The following LARP4 variants were observed in gnomAD, a reference collection of about 807,000 sequenced individuals.
LARP4 encodes La ribonucleoprotein 4, also known as la-related protein 4.
A neutral mutation model predicts 92.9 loss-of-function variants in LARP4; 29 were observed. That is an observed-to-expected ratio of 0.31 (90% CI 0.23 to 0.43). LARP4 has a LOEUF of 0.43. LARP4 is among the 20% of genes least tolerant of loss of function. LARP4 has a pLI of 1.00. For missense variants in LARP4, 732 were observed against 860.0 expected, an observed-to-expected ratio of 0.85 and a Z score of 1.86; for synonymous variants, 279 against 284.1, an observed-to-expected ratio of 0.98 and a Z score of 0.18.
chr12:50,438,424 G>T (rs1950740659), intron 6 of LARP4, among the ~76,000 whole-genome samples: 3 of 150,860 alleles, frequency 2.0e-5, no homozygotes, highest in South Asian at 2.1e-4. Context: ...GTGAACCTGG[G>T]AGCTTGCAGT....
intron 8 of LARP4, among the ~76,000 whole-genome samples, 165 bp downstream of exon 8, chr12:50,441,808 G>A (rs149637592): frequency 2.7e-3 from 410 of 152,314 alleles, no homozygotes; most frequent in African/African-American, 9.6e-3. Context: ...CAGCACTTTG[G>A]GAGTCCAAGG....
intron 8 of LARP4, among the ~76,000 whole-genome samples, chr12:50,452,522 C>G (rs1953401587): frequency 6.6e-6 from 1 of 152,186 alleles, no homozygotes; most frequent in Non-Finnish European, 1.5e-5. Flanking sequence ...AGTTTCCATA[C>G]TGGCTATACT....
chr12:50,440,232 T>C (rs1274255956), intron 6 of LARP4, among the ~76,000 whole-genome samples: 1 of 151,310 alleles, frequency 6.6e-6, no homozygotes, highest in Non-Finnish European at 1.5e-5. Flanking sequence ...CATCCGGGAG[T>C]TTGAGACCAG....
intron 4 of LARP4, among the ~76,000 whole-genome samples, chr12:50,431,386 A>G (rs188757621): frequency 6.6e-6 from 1 of 152,328 alleles, no homozygotes; most frequent in East Asian, 1.9e-4. Flanking sequence ...GGAATTGACA[A>G]AAAGTTATTT....
At chr12:50,438,540 C>T (rs1035969372) in intron 6 of LARP4, among the ~76,000 whole-genome samples, 5 of 150,956 alleles carry the variant, frequency 3.3e-5, no homozygotes, top group Non-Finnish European at 5.9e-5. Context: ...TATTGTTCAG[C>T]GAAATATTAT....
chr12:50,479,584 A>C lies in LARP4; in HGVS notation c.*3720A>C, dbSNP rs1427917752. The C allele has an allele frequency of 3.3e-5, 5 of 152,222 alleles. No homozygotes were observed. The allele number at this position is 152,222 out of a possible 1,614,324, so 9.4% of individuals were successfully genotyped here. A position where few individuals can be genotyped will look rare whatever the true frequency, so the allele number is the denominator to read the frequency against. ...CCTTTGAAATTCACCTGATTATTAGATAACTTAAAGTTTATTTTTAAAAGC... is the reference window on the plus strand; with the variant it reads ...CCTTTGAAATTCACCTGATTATTAGCTAACTTAAAGTTTATTTTTAAAAGC... On this transcript the variant is annotated 3_prime_UTR_variant, in exon 16 of 16. Transcript: ENST00000398473.
chr12:50,418,065 T>C (rs1004462124), intron 1 of LARP4, among the ~76,000 whole-genome samples: 1 of 152,254 alleles, frequency 6.6e-6, no homozygotes, highest in African/African-American at 2.4e-5. Flanking sequence ...TTCACCACAT[T>C]GGCCAGGCTG....
intron 8 of LARP4, among the ~76,000 whole-genome samples, chr12:50,448,249 T>C (rs541566382): frequency 1.4e-4 from 22 of 152,092 alleles, no homozygotes; most frequent in Admixed American, 4.6e-4. Flanking sequence ...TTTATCTTTT[T>C]CCCCCCATCT....
chr12:50,428,274 AGCCTCG>A, intron 2 of LARP4, among the ~76,000 whole-genome samples: 1 of 152,034 alleles, frequency 6.6e-6, no homozygotes, highest in South Asian at 2.1e-4. Context: ...GTGATCCACC[AGCCTCG>A]GCCTCCCAAA....
At chr12:50,464,225 G>C (rs536975591) in intron 12 of LARP4, among the ~76,000 whole-genome samples, 1 of 152,340 alleles carries the variant, frequency 6.6e-6, no homozygotes, top group South Asian at 2.1e-4. Flanking sequence ...TCTGCAGGCT[G>C]TACAGGAAGC....
intron 13 of LARP4, among the ~76,000 whole-genome samples, chr12:50,467,676 T>A (rs1414485725): frequency 1.3e-5 from 2 of 152,174 alleles, no homozygotes; most frequent in East Asian, 3.9e-4. Flanking sequence ...ATGGAAGGTA[T>A]CATTTCCATT....
chr12:50,466,680 T>C (rs1416893251), intron 12 of LARP4, among the ~76,000 whole-genome samples: 1 of 152,036 alleles, frequency 6.6e-6, no homozygotes, highest in East Asian at 1.9e-4. Flanking sequence ...CATAGCAAAT[T>C]ATGAAATGAA....
chr12:50,458,146 G>A (rs972556095), intron 10 of LARP4, among the ~76,000 whole-genome samples: 1 of 151,258 alleles, frequency 6.6e-6, no homozygotes, highest in African/African-American at 2.4e-5. Context: ...GCCATGTTGT[G>A]CAGGCTGGTC....
At position 50,475,940 on chromosome 12, in the gene LARP4, A is replaced by AG. The variant is rs1321870849; in HGVS notation, c.*80dup. ...CTGTGGCTATATTGAACTGTTTTGG[A>AG]GGGGAGGGGGTAGCCAGGAAGGAAA... On this transcript the variant is annotated 3_prime_UTR_variant, in exon 16 of 16. Transcript: ENST00000398473. 4 of 1,256,196 alleles carry AG rather than the reference A, an allele frequency of 3.2e-6. No homozygotes were observed. The Admixed American group carries it at 9.0e-5, about 28-fold the overall frequency. 77.8% of individuals were successfully genotyped at this position (1,256,196 alleles called of 1,614,324 possible). A position where few individuals can be genotyped will look rare whatever the true frequency, so the allele number is the denominator to read the frequency against.
At chr12:50,436,229 T>G (rs1052111262) in intron 5 of LARP4, among the ~76,000 whole-genome samples, 1 of 151,248 alleles carries the variant, frequency 6.6e-6, no homozygotes, top group African/African-American at 2.4e-5. Context: ...GGTGTGTGTG[T>G]GTGTATATGT....
intron 15 of LARP4, among the ~76,000 whole-genome samples, chr12:50,474,784 T>G (rs1396863445): frequency 6.6e-6 from 1 of 152,214 alleles, no homozygotes; most frequent in East Asian, 1.9e-4. Flanking sequence ...TTTGGTTGTA[T>G]ATGTGATACT....
intron 14 of LARP4, among the ~76,000 whole-genome samples, 185 bp from the exon 15 acceptor site, chr12:50,473,814 T>TGGGGGGGGGG: frequency 1.1e-4 from 1 of 8,732 alleles, no homozygotes; most frequent in African/African-American, 2.9e-4. Context: ...GGTGGGGGGG[T>TGGGGGGGGGG]GGGGGGGGTG....
chr12:50,455,172 T>C (rs1953982714), intron 10 of LARP4, among the ~76,000 whole-genome samples: 2 of 152,184 alleles, frequency 1.3e-5, no homozygotes, highest in African/African-American at 4.8e-5. Flanking sequence ...GGTATTTTTC[T>C]TTATGTAGAC....
In LARP4 at chr12:50,475,953, G is replaced by A. The variant is rs1389507070; in HGVS notation, c.*89G>A. The A allele has an allele frequency of 1.1e-5, 12 of 1,100,424 alleles. No homozygotes were observed. Among genetic ancestry groups the A allele is most frequent in the African/African-American group, 7.9e-5 (5 of 63,374 alleles). 68.2% of individuals were successfully genotyped at this position (1,100,424 alleles called of 1,614,324 possible). A position where few individuals can be genotyped will look rare whatever the true frequency, so the allele number is the denominator to read the frequency against. On this transcript the variant is annotated 3_prime_UTR_variant, in exon 16 of 16. Transcript: ENST00000398473. ...GAACTGTTTTGGAGGGGAGGGGGTA[G>A]CCAGGAAGGAAACAAGAGAAAGTAC...
Sources: allele counts gnomAD v4.1 joint callset (sites outside exome capture counted in the v4.1 genomes callset), GRCh38; gene constraint gnomAD v4.1.1; transcripts MANE v1.5; gene names NCBI Gene and HGNC (gene_info 2026-07-23, HGNC 2026-07-21).